ZC3HAV1: variants seen among roughly 807,000 people sequenced by gnomAD.
ZC3HAV1 encodes the protein zinc finger CCCH-type antiviral protein 1.
A neutral mutation model predicts 86.6 loss-of-function variants in ZC3HAV1; 41 were observed. The ratio of observed to expected loss-of-function variants is 0.47; its 90% CI spans 0.37 to 0.61. ZC3HAV1 has a LOEUF of 0.61. Among genes scored for constraint, ZC3HAV1 ranks in the 20% least tolerant of loss-of-function variants. The pLI, the probability that ZC3HAV1 is intolerant of heterozygous loss-of-function variation, is 0.00. For synonymous variants in ZC3HAV1, 421 were observed against 432.1 expected, an observed-to-expected ratio of 0.97 and a Z score of 0.32; for missense variants, 964 against 1,141.1, an observed-to-expected ratio of 0.84 and a Z score of 2.24.
intron 8 of ZC3HAV1, among the ~76,000 whole-genome samples, chr7:139,063,048 AAAAG>A (rs912091369): frequency 7.4e-5 from 11 of 148,558 alleles, no homozygotes; most frequent in Middle Eastern, 3.4e-3. Flanking sequence ...AAAAAAAAAA[AAAAG>A]AAAGAAAGAA....
At chr7:139,078,400 A>G (rs1050819739) in intron 5 of ZC3HAV1, 152 bp downstream of exon 5, 2 of 611,434 alleles carry the variant, frequency 3.3e-6, no homozygotes, top group African/African-American at 4.0e-5. Context: ...ACATAGAAGT[A>G]CTATATGATC....
intron 3 of ZC3HAV1, among the ~76,000 whole-genome samples, chr7:139,082,851 T>A (rs1199306454): frequency 6.6e-6 from 1 of 150,740 alleles, no homozygotes. Flanking sequence ...TATTGTGGCT[T>A]TTTTTAGAAA....
chr7:139,085,608 C>T (rs536357494), intron 2 of ZC3HAV1, among the ~76,000 whole-genome samples: 17 of 152,264 alleles, frequency 1.1e-4, no homozygotes, highest in Admixed American at 3.9e-4. Context: ...CACTGTGGTC[C>T]CCATCTCACA....
intron 1 of ZC3HAV1, among the ~76,000 whole-genome samples, chr7:139,104,299 C>A (rs1240941414): frequency 6.8e-6 from 1 of 148,010 alleles, no homozygotes; most frequent in African/African-American, 2.5e-5. Flanking sequence ...TCGGCAAAAA[C>A]CGCAAAGCAA....
chr7:139,051,814 T>C (rs1346100913), intron 12 of ZC3HAV1, among the ~76,000 whole-genome samples: 6 of 152,212 alleles, frequency 3.9e-5, no homozygotes, highest in African/African-American at 1.4e-4. Flanking sequence ...CACCATCTAG[T>C]GTACAGAAGA....
In ZC3HAV1 at chr7:139,046,266, T is replaced by C. The variant is rs1482716476; in HGVS notation, c.*1328A>G. 1 of 152,206 alleles carries C rather than the reference T, an allele frequency of 6.6e-6. No individual in the cohort carries two copies. The highest frequency in any genetic ancestry group is 2.4e-5 in the African/African-American group (1 of 41,444). The allele number at this position is 152,206 out of a possible 1,614,324, so 9.4% of individuals were successfully genotyped here. On this transcript the variant is annotated 3_prime_UTR_variant, in exon 13 of 13. Coordinates refer to ENST00000242351, the MANE Select transcript of ZC3HAV1 (RefSeq NM_020119.4). ...GCCTCTTTGGGATATTGTTCTTTGTTCTGATTCTGTGCTCACCAGGAAACA... is the reference window on the plus strand; with the variant it reads ...GCCTCTTTGGGATATTGTTCTTTGTCCTGATTCTGTGCTCACCAGGAAACA...
chr7:139,097,578 G>T (rs1817644173), intron 1 of ZC3HAV1, among the ~76,000 whole-genome samples: 1 of 150,598 alleles, frequency 6.6e-6, no homozygotes, highest in Admixed American at 6.6e-5. Context: ...GGGATTACAG[G>T]TGCCCGCCAC....
At chr7:139,097,428 ATT>A (rs11291842) in intron 1 of ZC3HAV1, among the ~76,000 whole-genome samples, 5,552 of 47,022 alleles carry the variant, frequency 0.12, 214 homozygotes, top group South Asian at 0.19. Context: ...ATATATATAT[ATT>A]TTTTTTTTTT....
intron 2 of ZC3HAV1, among the ~76,000 whole-genome samples, chr7:139,088,031 CAAAAAA>C (rs10544425): frequency 3.5e-5 from 2 of 57,870 alleles, no homozygotes; most frequent in Non-Finnish European, 6.8e-5. Context: ...GATCCTGTCT[CAAAAAA>C]AAAAAAAAAA....
chr7:139,100,843 T>TTCCACGGTCTCCCTCTCCC (rs1156596407), intron 1 of ZC3HAV1, among the ~76,000 whole-genome samples: 90 of 149,734 alleles, frequency 6.0e-4, no homozygotes, highest in African/African-American at 2.2e-3. Context: ...CTCCCTCTCT[T>TTCCACGGTCTCCCTCTCCC]TCCACGGTCT....
At chr7:139,053,112 G>A (rs1816183826) in intron 12 of ZC3HAV1, among the ~76,000 whole-genome samples, 1 of 152,148 alleles carries the variant, frequency 6.6e-6, no homozygotes, top group South Asian at 2.1e-4. Flanking sequence ...AGCTTCGCAG[G>A]CATGGACATG....
intron 7 of ZC3HAV1, among the ~76,000 whole-genome samples, chr7:139,071,860 T>C (rs1816782854): frequency 6.6e-6 from 1 of 152,228 alleles, no homozygotes; most frequent in Non-Finnish European, 1.5e-5. Context: ...CTAAGACAGT[T>C]TGGAAACCAA....
intron 9 of ZC3HAV1, chr7:139,060,673 T>TA (rs35979655): frequency 0.21 from 195,235 of 922,994 alleles, 5,969 homozygotes; most frequent in East Asian, 0.46. Flanking sequence ...AGACCCCCTC[T>TA]AAAAAAAAAA....
At chr7:139,052,850 G>C (rs2130664295) in intron 12 of ZC3HAV1, among the ~76,000 whole-genome samples, 1 of 151,788 alleles carries the variant, frequency 6.6e-6, no homozygotes, top group African/African-American at 2.4e-5. Flanking sequence ...GATCACTTGA[G>C]CCCAGGAGGT....
intron 1 of ZC3HAV1, among the ~76,000 whole-genome samples, chr7:139,107,426 A>G (rs1215897084): frequency 6.6e-6 from 1 of 152,224 alleles, no homozygotes; most frequent in African/African-American, 2.4e-5. Flanking sequence ...TACCTCATCC[A>G]TCTAAAACAC....
intron 7 of ZC3HAV1, among the ~76,000 whole-genome samples, chr7:139,066,176 T>C (rs1366522313): frequency 2.6e-5 from 4 of 152,044 alleles, no homozygotes; most frequent in African/African-American, 9.7e-5. Context: ...TCCTGTGATC[T>C]AGAACAAAGG....
Position 139,109,187 on chromosome 7 carries a change from A to G in ZC3HAV1, c.145T>C (p.Phe49Leu). ...EVLQVAGPDR[F>L]VVLETGGEAG... The stretch of plus-strand genomic sequence containing the variant: ...TCGCCGCCGGTCTCCAACACCACAA[A>G]GCGGTCGGGCCCGGCCACCTGCAGC... The change falls in exon 1 of 13, where the codon TTT becomes CTT. Residue 49 changes from phenylalanine (F) to leucine (L), a missense_variant. Coordinates refer to ENST00000242351, the MANE Select transcript of ZC3HAV1 (RefSeq NM_020119.4). The G allele has an allele frequency of 6.2e-7, 1 of 1,605,368 alleles. No homozygotes were observed. Among genetic ancestry groups the G allele is most frequent in the Non-Finnish European group, 8.5e-7 (1 of 1,176,212 alleles).
chr7:139,064,202 A>C (rs1190566370), intron 8 of ZC3HAV1, among the ~76,000 whole-genome samples: 1 of 152,256 alleles, frequency 6.6e-6, no homozygotes. Flanking sequence ...CAGGGACCTC[A>C]GAAAGGCTCC....
intron 1 of ZC3HAV1, among the ~76,000 whole-genome samples, chr7:139,097,424 A>ATTTTTTTTTTTTTTTTTTTTTTTT (rs1278585081): frequency 2.5e-5 from 2 of 81,236 alleles, no homozygotes; most frequent in Non-Finnish European, 4.3e-5. Context: ...ATATATATAT[A>ATTTTTTTTTTTTTTTTTTTTTTTT]TATATTTTTT....
Sources: allele counts gnomAD v4.1 joint callset (sites outside exome capture counted in the v4.1 genomes callset), GRCh38; gene constraint gnomAD v4.1.1; transcripts MANE v1.5; gene names NCBI Gene and HGNC (gene_info 2026-07-23, HGNC 2026-07-21).